Variants in RAPGEF1 observed in about 807,000 individuals in gnomAD.
RAPGEF1 encodes the protein CRK SH3-binding GNRP.
Under a neutral mutation model 143.3 loss-of-function variants are expected in RAPGEF1, and 33 were observed. The ratio of observed to expected loss-of-function variants is 0.23; its 90% CI spans 0.17 to 0.31. RAPGEF1 has a LOEUF of 0.31. Ranked by LOEUF, RAPGEF1 falls within the 10% of genes least tolerant of loss-of-function variation. The probability of loss-of-function intolerance (pLI) is 1.00; values close to 1 mark genes in which losing one functional copy is unlikely to be tolerated. For missense variants in RAPGEF1, 1,199 were observed against 1,645.4 expected (o/e 0.73, Z 4.69); for synonymous variants, 629 against 676.5 (o/e 0.93, Z 1.09).
chr9:131,698,949 G>C (rs142037735), intron 1 of RAPGEF1, among the ~76,000 whole-genome samples: 2 of 152,224 alleles, frequency 1.3e-5, no homozygotes, highest in African/African-American at 2.4e-5. Context: ...AGCAAGGACT[G>C]TAAATACTCA....
At chr9:131,719,775 T>C (rs567572497) in intron 1 of RAPGEF1, among the ~76,000 whole-genome samples, 6 of 152,038 alleles carry the variant, frequency 3.9e-5, no homozygotes, top group Non-Finnish European at 8.8e-5. Context: ...TTCTTTGAGA[T>C]CTGAAAGAGT....
At chr9:131,653,739 G>A (rs1971703746) in intron 1 of RAPGEF1, among the ~76,000 whole-genome samples, 1 of 152,220 alleles carries the variant, frequency 6.6e-6, no homozygotes, top group Non-Finnish European at 1.5e-5. Flanking sequence ...AGATCACAGA[G>A]TTGACATGTG....
chr9:131,634,184 C>T (rs569408066), intron 5 of RAPGEF1, among the ~76,000 whole-genome samples: 54 of 152,126 alleles, frequency 3.5e-4, no homozygotes, highest in African/African-American at 1.2e-3. Context: ...ATCCAGAAGG[C>T]GGAGGTTGCA....
intron 1 of RAPGEF1, among the ~76,000 whole-genome samples, chr9:131,711,421 A>G (rs977832546): frequency 1.1e-4 from 17 of 149,450 alleles, no homozygotes; most frequent in African/African-American, 4.2e-4. Context: ...GCAGTGGTGC[A>G]ATCTCAGCTC....
rs1336998755 is a variant in RAPGEF1 at position 131,583,625 on chromosome 9, T to C, written c.3414+686A>G. Reference sequence around the variant, plus strand: ...GGCTGACACTCAAAAGCCATGGGTTTTGCCCCCATTTGCAATATTATTTCC... The same window carrying C: ...GGCTGACACTCAAAAGCCATGGGTTCTGCCCCCATTTGCAATATTATTTCC... On this transcript the variant is annotated intron_variant, in intron 24 of 26. Coordinates refer to ENST00000683357, the MANE Select transcript of RAPGEF1 (RefSeq NM_001377935.1). The surrounding 1 kb of genome is among the most constrained non-coding windows in gnomAD (Gnocchi z 4.7). Among the ~76,000 whole-genome samples, 1 of 152,146 alleles carries C rather than the reference T, an allele frequency of 6.6e-6. No homozygotes were observed.
In RAPGEF1 at chr9:131,619,051, C is replaced by T. The variant is rs1246934281; in HGVS notation, c.2061G>A (p.Ser687=). 7 of 1,357,150 alleles carry T rather than the reference C, an allele frequency of 5.2e-6. No homozygotes were observed. The highest frequency in any genetic ancestry group is 4.6e-5 in the East Asian group (1 of 21,572). 84.1% of individuals were successfully genotyped at this position (1,357,150 alleles called of 1,614,324 possible). The change falls in exon 12 of 27, where the codon TCG becomes TCA. Residue 687 remains serine (S), a splice_region_variant and synonymous_variant. Transcript: ENST00000683357. The part of the protein sequence containing the change: ...LSRHGSLPVP[S]YKSVFRSYSQ... ...TAAAGAACAGCAGGGAGCAACTCAC[C>T]GAGGGCACGGGCAAGCTGCCGTGCC... is the stretch of plus-strand genomic sequence containing the variant.
chr9:131,669,359 A>G (rs561179202), intron 1 of RAPGEF1, among the ~76,000 whole-genome samples: 59 of 152,296 alleles, frequency 3.9e-4, no homozygotes, highest in African/African-American at 1.4e-3. Context: ...GAGAAAGAAG[A>G]CAGTGAAGGG....
chr9:131,685,248 CG>C (rs1224918811), intron 1 of RAPGEF1, among the ~76,000 whole-genome samples: 74 of 152,292 alleles, frequency 4.9e-4, no homozygotes, highest in African/African-American at 1.8e-3. Context: ...AGTAGCTCAC[CG>C]CGACAAAGCT....
chr9:131,638,580 G>GA, intron 5 of RAPGEF1, 55 bp downstream of exon 5: 1 of 1,592,848 alleles, frequency 6.3e-7, no homozygotes, highest in South Asian at 1.1e-5. Flanking sequence ...ACAAGCACCA[G>GA]CAGGCAGGCT....
intron 1 of RAPGEF1, among the ~76,000 whole-genome samples, chr9:131,701,706 A>G (rs1375307378): frequency 6.6e-6 from 1 of 152,232 alleles, no homozygotes; most frequent in Non-Finnish European, 1.5e-5. Flanking sequence ...TTATATTATT[A>G]CATGCGTTAT....
At chr9:131,658,292 C>A (rs958719540) in intron 1 of RAPGEF1, among the ~76,000 whole-genome samples, 9 of 152,104 alleles carry the variant, frequency 5.9e-5, no homozygotes, top group Non-Finnish European at 1.2e-4. Context: ...CCTGGGGTTG[C>A]CAGACATGCA....
intron 1 of RAPGEF1, among the ~76,000 whole-genome samples, chr9:131,713,992 A>G (rs769439203): frequency 6.6e-6 from 1 of 152,156 alleles, no homozygotes; most frequent in Non-Finnish European, 1.5e-5. Flanking sequence ...CTAGTAAATA[A>G]TCATTCTCTT....
intron 3 of RAPGEF1, among the ~76,000 whole-genome samples, chr9:131,644,393 T>TAAAGAAATAAA: frequency 7.3e-6 from 1 of 137,236 alleles, no homozygotes; most frequent in Non-Finnish European, 1.6e-5. Context: ...GGCTGTCCTT[T>TAAAGAAATAAA]AAAAAAAAAA....
chr9:131,700,234 G>A (rs1194620561), intron 1 of RAPGEF1, among the ~76,000 whole-genome samples: 2 of 152,040 alleles, frequency 1.3e-5, no homozygotes, highest in Non-Finnish European at 2.9e-5. Flanking sequence ...TCCAGCCTCC[G>A]CCCTAGTCAC....
chr9:131,739,298 C>T (rs528073607), intron 1 of RAPGEF1, among the ~76,000 whole-genome samples: 49 of 152,346 alleles, frequency 3.2e-4, no homozygotes, highest in African/African-American at 1.2e-3. Context: ...ATCCAGCCTG[C>T]TTCCTTTGAA....
intron 22 of RAPGEF1, among the ~76,000 whole-genome samples, 172 bp downstream of exon 22, chr9:131,587,564 C>T (rs879899612): frequency 1.3e-5 from 2 of 152,024 alleles, no homozygotes; most frequent in African/African-American, 2.4e-5. Context: ...CCCATCCTGT[C>T]CCTGCCCCTG....
chr9:131,681,954 G>A lies in RAPGEF1; in HGVS notation c.62-31005C>T, dbSNP rs566139334. ...TATAGTGTTGCAGTTATTAGCTTTC[G>A]ACAATGCTAATCCCGACTGCCAGGC... On this transcript the variant is annotated intron_variant, in intron 1 of 26. Transcript: ENST00000683357. 2.0e-3 allele frequency among the ~76,000 whole-genome samples: 309 copies of A among 152,242 alleles called. 2 individuals carry two copies. Among genetic ancestry groups the A allele is most frequent in the Non-Finnish European group, 2.6e-3 (178 of 68,016 alleles).
intron 1 of RAPGEF1, among the ~76,000 whole-genome samples, chr9:131,690,098 A>G (rs1833673592): frequency 6.6e-6 from 1 of 152,214 alleles, no homozygotes; most frequent in South Asian, 2.1e-4. Flanking sequence ...GTGCTGATAT[A>G]AAACAGTTTA....
chr9:131,616,189 C>T lies in RAPGEF1; in HGVS notation c.2061+2862G>A, dbSNP rs542208126. On this transcript the variant is annotated intron_variant, in intron 12 of 26. Coordinates refer to ENST00000683357, the MANE Select transcript of RAPGEF1 (RefSeq NM_001377935.1). Reference sequence around the variant, plus strand: ...AGGCTGAGGCAGGAGAACGCTTGAACCTGGGAGGCGGAGGTTGCAGTGAGC... The same window carrying T: ...AGGCTGAGGCAGGAGAACGCTTGAATCTGGGAGGCGGAGGTTGCAGTGAGC... Among the ~76,000 whole-genome samples the T allele has an allele frequency of 2.0e-5, 3 of 152,190 alleles. No homozygotes were observed. In the South Asian group the frequency reaches 6.2e-4, roughly 32 times the overall value.
Sources: gnomAD v4.1 joint callset for allele counts (sites outside exome capture counted in the v4.1 genomes callset) on GRCh38, gnomAD v4.1.1 for gene constraint, Gnocchi (gnomAD v3.1) non-coding constraint, MANE v1.5 for transcripts, NCBI Gene and HGNC (gene_info 2026-07-23, HGNC 2026-07-21) for gene names.